The following USH2A variants were observed in gnomAD, a reference collection of about 807,000 sequenced individuals.
USH2A encodes Usher syndrome 2A (autosomal recessive, mild).
Under a neutral mutation model 538.9 loss-of-function variants are expected in USH2A, and 443 were observed. That is an observed-to-expected ratio of 0.82 (90% CI 0.76 to 0.89). USH2A has a LOEUF of 0.89. USH2A is among the 40% of genes least tolerant of loss of function. USH2A has a pLI of 0.00. For synonymous variants in USH2A, 2,413 were observed against 2,273.5 expected (o/e 1.06, Z -1.75); for missense variants, 6,633 against 6,324.8 (o/e 1.05, Z -1.65).
chr1:215,911,275 T>C (rs905059926), intron 38 of USH2A, among the ~76,000 whole-genome samples: 3 of 151,954 alleles, frequency 2.0e-5, no homozygotes, highest in Non-Finnish European at 4.4e-5. Flanking sequence ...ATCACCTTAT[T>C]GTGCTATCAA....
At chr1:216,030,585 A>T (rs189725093) in intron 32 of USH2A, among the ~76,000 whole-genome samples, 295 of 145,966 alleles carry the variant, frequency 2.0e-3, no homozygotes, top group African/African-American at 7.2e-3. Context: ...ATATATAGAT[A>T]TATATCACAG....
Position 215,965,356 on chromosome 1 carries a change from G to A in USH2A, c.7081C>T (p.His2361Tyr), listed in dbSNP as rs1667313976. 6.2e-7 allele frequency: 1 copy of A among 1,613,770 alleles called. No homozygotes were observed. The highest frequency in any genetic ancestry group is 1.3e-5 in the African/African-American group (1 of 74,914). The part of the protein sequence containing the change: ...APFRPNGLLT[H>Y]SVLFTGIFYV... ...AATATCCCAGTGAAAAGGACTGAGT[G>A]TGTTAAGAGTCCATTAGGGCGAAAA... Residue 2361 changes from histidine to tyrosine, a missense_variant, in exon 37 of 72, where the codon CAC becomes TAC. Physicochemically the swap from His to Tyr is moderately conservative, Grantham distance 83. Coordinates refer to ENST00000307340, the MANE Select transcript of USH2A (RefSeq NM_206933.4).
chr1:216,116,233 G>A lies in USH2A; in HGVS notation c.4628-19020C>T, dbSNP rs12027853. The stretch of plus-strand genomic sequence containing the variant: ...TTATATTTCATATTTGTAATTGCAC[G>A]TTTACATATAATAAACATACAGATA... On this transcript the variant is annotated intron_variant, in intron 21 of 71. Transcript: ENST00000307340. 3.1e-3 allele frequency among the ~76,000 whole-genome samples: 475 copies of A among 151,802 alleles called. 4 individuals are homozygous for A. The highest frequency in any genetic ancestry group is 0.01 in the Middle Eastern group (3 of 288).
Position 215,767,471 on chromosome 1 carries a change from C to A in USH2A, c.10940-683G>T, listed in dbSNP as rs564457015. On this transcript the variant is annotated intron_variant, in intron 55 of 71. Transcript: ENST00000307340. ...AACCTTGCACTGTATCTAATGCGCC[C>A]TTTTTTGAGGTGTGTTGATTTTGTC... Among the ~76,000 whole-genome samples the A allele has an allele frequency of 6.6e-5, 10 of 152,160 alleles. No homozygotes were observed. In the South Asian group the frequency reaches 2.1e-3, roughly 32 times the overall value.
chr1:215,841,789 C>G (rs1248169852), intron 46 of USH2A, among the ~76,000 whole-genome samples: 1 of 152,026 alleles, frequency 6.6e-6, no homozygotes, highest in Non-Finnish European at 1.5e-5. Context: ...TTTTTGCAAT[C>G]TATCCATCTG....
chr1:215,931,859 C>G (rs1480083505), intron 38 of USH2A, among the ~76,000 whole-genome samples: 2 of 151,844 alleles, frequency 1.3e-5, no homozygotes, highest in Non-Finnish European at 2.9e-5. Context: ...TGTAACTGTT[C>G]TCTGGGATAC....
At chr1:216,115,149 T>C (rs2102589243) in intron 21 of USH2A, among the ~76,000 whole-genome samples, 1 of 142,564 alleles carries the variant, frequency 7.0e-6, no homozygotes, top group Admixed American at 7.2e-5. Flanking sequence ...TTTGTTTTGT[T>C]TGAGACAAGG....
At chr1:215,841,834 TAAAC>T (rs1044274858) in intron 46 of USH2A, among the ~76,000 whole-genome samples, 28 of 151,594 alleles carry the variant, frequency 1.8e-4, no homozygotes, top group African/African-American at 6.3e-4. Flanking sequence ...ATAAGAAACT[TAAAC>T]AAATTTGCAA....
chr1:216,280,972 G>A (rs1327734811), intron 11 of USH2A, among the ~76,000 whole-genome samples: 1 of 152,092 alleles, frequency 6.6e-6, no homozygotes, highest in Non-Finnish European at 1.5e-5. Flanking sequence ...ATTCAATTTT[G>A]CAGTTTATAA....
intron 32 of USH2A, among the ~76,000 whole-genome samples, chr1:216,026,138 C>T (rs779846517): frequency 1.8e-4 from 28 of 152,062 alleles, no homozygotes; most frequent in Non-Finnish European, 3.1e-4. Flanking sequence ...GTATAGTAAA[C>T]ATGGGGATGG....
intron 40 of USH2A, among the ~76,000 whole-genome samples, chr1:215,892,978 T>C (rs1315928235): frequency 1.3e-5 from 2 of 152,116 alleles, no homozygotes; most frequent in Non-Finnish European, 2.9e-5. Flanking sequence ...AGCTGGGGCA[T>C]ATTGTGGGGT....
At chr1:215,883,008 TC>T (rs1664956337) in intron 41 of USH2A, among the ~76,000 whole-genome samples, 1 of 152,164 alleles carries the variant, frequency 6.6e-6, no homozygotes, top group Admixed American at 6.5e-5. Context: ...TTGGGGAAAT[TC>T]ACTTTATCAT....
At chr1:216,278,385 A>C (rs2036710465) in intron 11 of USH2A, among the ~76,000 whole-genome samples, 1 of 152,144 alleles carries the variant, frequency 6.6e-6, no homozygotes, top group Non-Finnish European at 1.5e-5. Flanking sequence ...CTTCCTATCC[A>C]GCTAAGATTA....
intron 37 of USH2A, 93 bp from the exon 38 acceptor site, chr1:215,934,888 G>T: frequency 1.7e-6 from 2 of 1,201,190 alleles, no homozygotes; most frequent in Non-Finnish European, 2.3e-6. Flanking sequence ...TAAATATACT[G>T]TACCAAATAG....
intron 43 of USH2A, 79 bp downstream of exon 43, chr1:215,877,679 G>A: frequency 6.3e-7 from 1 of 1,593,776 alleles, no homozygotes; most frequent in Non-Finnish European, 8.6e-7. Flanking sequence ...ACACAATGAA[G>A]ACACTGAGAT....
intron 21 of USH2A, among the ~76,000 whole-genome samples, chr1:216,102,570 C>A (rs954105410): frequency 2.6e-5 from 4 of 152,070 alleles, no homozygotes; most frequent in African/African-American, 9.7e-5. Flanking sequence ...GAGGCCGAGG[C>A]AGGCGGATCA....
At position 216,046,599 on chromosome 1, in the gene USH2A, A is replaced by G. The variant is rs753480359; in HGVS notation, c.6164-7T>C. 16 of 1,613,596 alleles carry G rather than the reference A, an allele frequency of 9.9e-6. No individual in the cohort carries two copies. The highest frequency in any genetic ancestry group is 1.7e-5 in the Admixed American group (1 of 59,960). Reference sequence around the variant, plus strand: ...GGCTGAACCTCTTGTGGGGCTGTGGAAGAAAAGATTTATAGAGTCTAATTT... The same window carrying G: ...GGCTGAACCTCTTGTGGGGCTGTGGGAGAAAAGATTTATAGAGTCTAATTT... On this transcript the variant is annotated splice_region_variant and splice_polypyrimidine_tract_variant and intron_variant, in intron 31 of 71. Transcript: ENST00000307340.
At chr1:215,930,887 C>T (rs1666347164) in intron 38 of USH2A, among the ~76,000 whole-genome samples, 1 of 151,620 alleles carries the variant, frequency 6.6e-6, no homozygotes, top group African/African-American at 2.4e-5. Flanking sequence ...TAATTCTTTT[C>T]CTAGAACTCT....
intron 38 of USH2A, among the ~76,000 whole-genome samples, chr1:215,910,702 A>G: frequency 6.6e-6 from 1 of 151,866 alleles, no homozygotes; most frequent in East Asian, 1.9e-4. Flanking sequence ...AGTAACATCA[A>G]TCAAAGTATC....
Sources: gnomAD v4.1 joint callset for allele counts (sites outside exome capture counted in the v4.1 genomes callset) on GRCh38, gnomAD v4.1.1 for gene constraint, MANE v1.5 for transcripts, NCBI Gene and HGNC (gene_info 2026-07-23, HGNC 2026-07-21) for gene names.